Variants in TRMT11 observed in about 807,000 individuals in gnomAD.
TRMT11 encodes the protein tRNA methyltransferase 11.
Under a neutral mutation model 62.8 loss-of-function variants are expected in TRMT11, and 53 were observed. The observed-to-expected ratio is 0.84, with a 90% confidence interval of 0.68 to 1.06. TRMT11 has a LOEUF of 1.06. TRMT11 is among the 50% of genes least tolerant of loss of function. The pLI is 0.00. For synonymous variants in TRMT11, 188 were observed against 190.3 expected, an observed-to-expected ratio of 0.99 and a Z score of 0.10; for missense variants, 556 against 553.4, an observed-to-expected ratio of 1.00 and a Z score of -0.05.
At chr6:126,080,437 A>G (rs1222075229) in intron 17 of TRMT11, among the ~76,000 whole-genome samples, 1 of 152,056 alleles carries the variant, frequency 6.6e-6, no homozygotes, top group Non-Finnish European at 1.5e-5. Context: ...AGTTTCCATA[A>G]TGGAGAGTCA....
rs752808885 is a variant in TRMT11 at position 126,012,807 on chromosome 6, G to A, written c.962G>A (p.Gly321Asp). 6.2e-7 allele frequency: 1 copy of A among 1,613,720 alleles called. No individual in the cohort carries two copies. Among genetic ancestry groups the A allele is most frequent in the Non-Finnish European group, 8.5e-7 (1 of 1,179,696 alleles). Residue 321 changes from glycine (G) to aspartate (D), a missense_variant, in exon 10 of 13, where the codon GGT (glycine) becomes GAT (aspartate). Physicochemically the swap from Gly to Asp is moderately conservative, Grantham distance 94 (BLOSUM62 -1). Transcript: ENST00000334379. Reference sequence around the variant, plus strand: ...ATCAGAGAATCTACAAGAAGAACAGGTTCACAGAAGGAGATACCAAAGGGG... The same window carrying A: ...ATCAGAGAATCTACAAGAAGAACAGATTCACAGAAGGAGATACCAAAGGGG... ...YGIRESTRRT[G>D]SQKEIPKGIE... is the part of the protein sequence containing the mutation.
downstream of TRMT11, among the ~76,000 whole-genome samples, chr6:126,040,546 C>T (rs1220372000): frequency 4.6e-5 from 7 of 152,028 alleles, no homozygotes; most frequent in Admixed American, 6.6e-5. Context: ...TTACTTTCGG[C>T]GTAAGTTACA....
chr6:126,227,594 C>A, the TRMT11 span, among the ~76,000 whole-genome samples: 1 of 152,216 alleles, frequency 6.6e-6, no homozygotes, highest in Admixed American at 6.5e-5. Context: ...CTTAATCCCA[C>A]TTTCCCTAAA....
At chr6:126,079,607 T>C (rs558104723) in intron 17 of TRMT11, among the ~76,000 whole-genome samples, 2 of 152,258 alleles carry the variant, frequency 1.3e-5, no homozygotes, top group East Asian at 1.9e-4. Flanking sequence ...AAACTACCTA[T>C]TGAGTACTGT....
intron 12 of TRMT11, among the ~76,000 whole-genome samples, chr6:126,026,734 T>C (rs1215967189): frequency 2.6e-5 from 4 of 151,802 alleles, no homozygotes; most frequent in Non-Finnish European, 5.9e-5. Flanking sequence ...TTTTTAAAGA[T>C]AGTCTTTCCT....
At chr6:126,243,968 T>A in the TRMT11 span, among the ~76,000 whole-genome samples, 17 of 152,250 alleles carry the variant, frequency 1.1e-4, 1 homozygote, top group Non-Finnish European at 1.6e-4. Flanking sequence ...CATAGGTAAA[T>A]ATCACAAAAA....
At chr6:126,044,667 C>T (rs1233163944) in intron 16 of TRMT11, among the ~76,000 whole-genome samples, 3 of 152,156 alleles carry the variant, frequency 2.0e-5, no homozygotes, top group Non-Finnish European at 2.9e-5. Context: ...GTCTCCCCCT[C>T]GCTTTTAACT....
intron 21 of TRMT11, among the ~76,000 whole-genome samples, chr6:126,141,764 G>A (rs1421026400): frequency 3.3e-5 from 5 of 152,040 alleles, no homozygotes; most frequent in Admixed American, 3.3e-4. Context: ...GACCTTCTTT[G>A]CAAGATATTA....
At chr6:126,203,919 T>TTGTGTG (rs71680476), downstream of TRMT11, among the ~76,000 whole-genome samples, 1,628 of 144,472 alleles carry the variant, frequency 0.011, 20 homozygotes, top group East Asian at 0.052. Flanking sequence ...GATCATCATT[T>TTGTGTG]TGTGTGTGTG....
intron 11 of TRMT11, 50 bp from the exon 12 acceptor site, chr6:126,021,110 T>A (rs772445504): frequency 2.5e-6 from 4 of 1,606,532 alleles, no homozygotes; most frequent in Non-Finnish European, 2.6e-6. Context: ...CATGATTCTT[T>A]GTGGCCCACA....
downstream of TRMT11, among the ~76,000 whole-genome samples, chr6:126,205,819 G>A (rs1171217946): frequency 6.6e-6 from 1 of 151,742 alleles, no homozygotes; most frequent in African/African-American, 2.4e-5. Context: ...CTAGGGGTGG[G>A]AGAGGCAAAA....
chr6:126,060,577 G>A (rs781237447), intron 17 of TRMT11, among the ~76,000 whole-genome samples: 1 of 152,188 alleles, frequency 6.6e-6, no homozygotes, highest in African/African-American at 2.4e-5. Flanking sequence ...GTGACACAAC[G>A]CAGATCAAAG....
the TRMT11 span, among the ~76,000 whole-genome samples, chr6:126,254,776 C>T: frequency 6.6e-6 from 1 of 152,094 alleles, no homozygotes; most frequent in East Asian, 1.9e-4. Flanking sequence ...ATTAGCTCAT[C>T]TTGTTTTTAA....
chr6:125,994,910 T>C (rs1791230987), intron 2 of TRMT11, among the ~76,000 whole-genome samples: 1 of 152,210 alleles, frequency 6.6e-6, no homozygotes, highest in African/African-American at 2.4e-5. Flanking sequence ...TTCTCACTTA[T>C]AAGTGGGAGC....
At chr6:126,199,423 G>A (rs950621864) in intron 2 of TRMT11, among the ~76,000 whole-genome samples, 5 of 152,104 alleles carry the variant, frequency 3.3e-5, no homozygotes, top group Admixed American at 3.3e-4. Context: ...GTTTGCTTTG[G>A]TCGAAGATTA....
intron 21 of TRMT11, among the ~76,000 whole-genome samples, chr6:126,153,963 C>G (rs571277638): frequency 2.0e-5 from 3 of 152,250 alleles, no homozygotes; most frequent in African/African-American, 7.2e-5. Flanking sequence ...GTCATTCTCA[C>G]TGCATTGACA....
the TRMT11 span, among the ~76,000 whole-genome samples, chr6:126,223,346 G>A: frequency 2.6e-5 from 4 of 152,148 alleles, no homozygotes; most frequent in African/African-American, 4.8e-5. Context: ...ACATGAACCC[G>A]GGAGGTGGAG....
chr6:126,058,227 T>C (rs1776426751), intron 17 of TRMT11, among the ~76,000 whole-genome samples: 1 of 152,194 alleles, frequency 6.6e-6, no homozygotes, highest in Non-Finnish European at 1.5e-5. Context: ...GTTCCTGTGT[T>C]AGTTTGCTGA....
intron 17 of TRMT11, among the ~76,000 whole-genome samples, chr6:126,067,126 G>A (rs923310786): frequency 6.6e-6 from 1 of 151,530 alleles, no homozygotes; most frequent in African/African-American, 2.4e-5. Flanking sequence ...TATTCAGGAG[G>A]CTGAGGCAGG....
Sources: gnomAD v4.1 joint callset for allele counts (sites outside exome capture counted in the v4.1 genomes callset) on GRCh38, gnomAD v4.1.1 for gene constraint, MANE v1.5 for transcripts, NCBI Gene and HGNC (gene_info 2026-07-23, HGNC 2026-07-21) for gene names.